The following ZNF713 variants were observed in gnomAD, a reference collection of about 807,000 sequenced individuals.
ZNF713 encodes zinc finger protein 713.
Under a neutral mutation model 28.7 loss-of-function variants are expected in ZNF713, and 21 were observed. The ratio of observed to expected loss-of-function variants is 0.73; its 90% confidence interval spans 0.52 to 1.05. ZNF713 has a LOEUF of 1.05. ZNF713 is among the 50% of genes least tolerant of loss of function. The pLI is 0.00. For missense variants in ZNF713, 458 were observed against 532.4 expected (o/e 0.86, Z 1.37); for synonymous variants, 167 against 178.0 (o/e 0.94, Z 0.49).
chr7:55,927,287 C>T (rs540608889), intron 6 of ZNF713, among the ~76,000 whole-genome samples: 96 of 152,222 alleles, frequency 6.3e-4, no homozygotes, highest in Non-Finnish European at 1.1e-3. Context: ...CTAGCACTTT[C>T]GGAGACCGTG....
intron 6 of ZNF713, among the ~76,000 whole-genome samples, chr7:55,929,565 A>G (rs1378140378): frequency 6.6e-6 from 1 of 152,182 alleles, no homozygotes; most frequent in Non-Finnish European, 1.5e-5. Context: ...CAAAGGAAAC[A>G]GATTTTACAC....
At chr7:55,914,033 C>A (rs1015499345) in intron 4 of ZNF713, among the ~76,000 whole-genome samples, 3 of 151,528 alleles carry the variant, frequency 2.0e-5, no homozygotes, top group South Asian at 2.1e-4. Flanking sequence ...ACCACTTGAA[C>A]CTGGTAGGCA....
At chr7:55,916,024 T>C (rs1218354298) in intron 4 of ZNF713, among the ~76,000 whole-genome samples, 3 of 152,140 alleles carry the variant, frequency 2.0e-5, no homozygotes, top group African/African-American at 7.2e-5. Context: ...GAGATTTGAG[T>C]GCTTTCCTTT....
chr7:55,892,767 G>C (rs1166300614), intron 1 of ZNF713, among the ~76,000 whole-genome samples: 1 of 150,642 alleles, frequency 6.6e-6, no homozygotes, highest in Non-Finnish European at 1.5e-5. Context: ...AGCTACTCGG[G>C]AGGCTGAAGC....
At chr7:55,933,715 T>G (rs780771104) in intron 6 of ZNF713, among the ~76,000 whole-genome samples, 2 of 152,202 alleles carry the variant, frequency 1.3e-5, no homozygotes, top group Non-Finnish European at 1.5e-5. Context: ...TTGTCGTTGT[T>G]GTTTGCGAGA....
chr7:55,897,393 C>T (rs1379260411), intron 1 of ZNF713, among the ~76,000 whole-genome samples: 1 of 151,978 alleles, frequency 6.6e-6, no homozygotes, highest in East Asian at 1.9e-4. Context: ...AACCCTCTCA[C>T]CTCAGCCTCC....
intron 4 of ZNF713, among the ~76,000 whole-genome samples, chr7:55,915,532 A>G (rs1016758004): frequency 2.6e-5 from 4 of 152,240 alleles, no homozygotes; most frequent in African/African-American, 9.6e-5. Flanking sequence ...GGGTGCTATG[A>G]ATACACATTA....
At position 55,911,971 on chromosome 7, in the gene ZNF713, A is replaced by T. The variant is rs1301802285; in HGVS notation, c.-100A>T. Reference sequence around the variant, plus strand: ...GGTCCTGGTGCATCTGCTGACTTTCATGTAGAAGATAGCAGAGCTTTGGCG... The same window carrying T: ...GGTCCTGGTGCATCTGCTGACTTTCTTGTAGAAGATAGCAGAGCTTTGGCG... On this transcript the variant is annotated 5_prime_UTR_variant, in exon 3 of 7. An upstream start codon of the reference 5' UTR is lost. Coordinates refer to ENST00000429591, the MANE Select transcript of ZNF713 (RefSeq NM_182633.3). 4 of 152,196 alleles carry T rather than the reference A, an allele frequency of 2.6e-5. No homozygotes were observed. The highest frequency in any genetic ancestry group is 2.6e-4 in the Admixed American group (4 of 15,276). 9.4% of individuals were successfully genotyped at this position (152,196 alleles called of 1,614,324 possible).
intron 4 of ZNF713, among the ~76,000 whole-genome samples, chr7:55,918,685 AC>A (rs1785931097): frequency 1.3e-5 from 2 of 152,212 alleles, no homozygotes; most frequent in African/African-American, 4.8e-5. Flanking sequence ...ATGTTGGATA[AC>A]ATTGTTACCT....
At chr7:55,923,014 A>T in intron 4 of ZNF713, 148 bp from the exon 5 acceptor site, 1 of 747,012 alleles carries the variant, frequency 1.3e-6, no homozygotes, top group Non-Finnish European at 1.9e-6. Context: ...TAATTTTTTT[A>T]AAAGAAAAGT....
In ZNF713 at chr7:55,941,630, G is replaced by C. The variant is rs1444344068; in HGVS notation, c.*1624G>C. On this transcript the variant is annotated 3_prime_UTR_variant, in exon 7 of 7. Transcript: ENST00000429591. ...TAATATTCTTTATAAAGGGATGCAA[G>C]ATTTTTAGCCTTCTCCTAGGAAATA... The C allele has an allele frequency of 6.6e-6, 1 of 152,006 alleles. No individual in the cohort carries two copies. The highest frequency in any genetic ancestry group is 1.5e-5 in the Non-Finnish European group (1 of 68,014). The allele number at this position is 152,006 out of a possible 1,614,324, so 9.4% of individuals were successfully genotyped here.
At chr7:55,927,896 CAAA>C (rs71533249) in intron 6 of ZNF713, among the ~76,000 whole-genome samples, 2,873 of 44,392 alleles carry the variant, frequency 0.065, 13 homozygotes, top group Middle Eastern at 0.19. Flanking sequence ...GACTCTGTCT[CAAA>C]AAAAAAAAAA....
intron 4 of ZNF713, chr7:55,918,224 C>T (rs1584309866): frequency 2.6e-6 from 1 of 381,092 alleles, no homozygotes; most frequent in Admixed American, 2.8e-5. Context: ...TGGAGAAGCC[C>T]ATATGGAGAG....
intron 1 of ZNF713, among the ~76,000 whole-genome samples, chr7:55,903,178 CA>C (rs2116191424): frequency 6.6e-6 from 1 of 151,862 alleles, no homozygotes; most frequent in African/African-American, 2.4e-5. Context: ...TAAAAGCAAA[CA>C]CCAAAATCCT....
At position 55,892,277 on chromosome 7, in the gene ZNF713, CAA is replaced by C. The variant is rs71561974; in HGVS notation, c.-583+4623_-583+4624del. The stretch of plus-strand genomic sequence containing the variant: ...TGGGCGACAGAGTGAGACTCCATCT[CAA>C]AAAAAAAAAAAAAAAAAAAAAAAAA... On this transcript the variant is annotated intron_variant, in intron 1 of 6. Coordinates refer to ENST00000429591, the MANE Select transcript of ZNF713 (RefSeq NM_182633.3). 2.6e-4 allele frequency among the ~76,000 whole-genome samples: 16 copies of C among 60,512 alleles called. 1 individual carries two copies. The highest frequency in any genetic ancestry group is 7.7e-4 in the African/African-American group (11 of 14,376). The allele number at this position is 60,512 out of a possible 152,430, so 39.7% of individuals were successfully genotyped here.
intron 6 of ZNF713, among the ~76,000 whole-genome samples, chr7:55,936,786 C>G (rs546077656): frequency 1.3e-5 from 2 of 151,996 alleles, no homozygotes; most frequent in African/African-American, 4.8e-5. Flanking sequence ...AAGTAGGATG[C>G]GTGCCCAAAG....
At chr7:55,896,848 C>G (rs1454697020) in intron 1 of ZNF713, among the ~76,000 whole-genome samples, 1 of 151,964 alleles carries the variant, frequency 6.6e-6, no homozygotes, top group Non-Finnish European at 1.5e-5. Flanking sequence ...AGGAAAAATG[C>G]TAGAGCCTGA....
intron 6 of ZNF713, among the ~76,000 whole-genome samples, chr7:55,929,982 G>T (rs1435410299): frequency 1.3e-5 from 2 of 152,022 alleles, no homozygotes; most frequent in Non-Finnish European, 2.9e-5. Flanking sequence ...TTCAACTTAG[G>T]TCAAAAGAGC....
intron 6 of ZNF713, among the ~76,000 whole-genome samples, chr7:55,938,658 C>T (rs922707725): frequency 1.9e-4 from 29 of 152,346 alleles, no homozygotes; most frequent in Middle Eastern, 3.4e-3. Flanking sequence ...ATTCCCCTGT[C>T]TCCCACCACT....
Sources: allele counts gnomAD v4.1 joint callset (sites outside exome capture counted in the v4.1 genomes callset), GRCh38; gene constraint gnomAD v4.1.1; transcripts MANE v1.5; gene names NCBI Gene and HGNC (gene_info 2026-07-23, HGNC 2026-07-21).